Variants in NRP2 observed in about 807,000 individuals in gnomAD.
NRP2 encodes neuropilin-2.
NRP2 carries 52 observed loss-of-function variants against 110.4 expected under a neutral mutation model. That is an observed-to-expected ratio of 0.47 (90% CI 0.38 to 0.59). NRP2 has a LOEUF of 0.59. NRP2 is among the 20% of genes least tolerant of loss of function. The pLI is 0.00. For missense variants in NRP2, 1,049 were observed against 1,203.0 expected, an observed-to-expected ratio of 0.87 and a Z score of 1.89; for synonymous variants, 508 against 468.9, an observed-to-expected ratio of 1.08 and a Z score of -1.08.
rs912112050 is a variant in NRP2 at position 205,796,216 on chromosome 2, T to G, written c.*1158T>G. ...TAGACAGAGACCCTTTGAAATGCATTTGTCTCTCAAATAGACTAGTAAACA... is the reference window on the plus strand; with the variant it reads ...TAGACAGAGACCCTTTGAAATGCATGTGTCTCTCAAATAGACTAGTAAACA... On this transcript the variant is annotated 3_prime_UTR_variant, in exon 17 of 17. Coordinates refer to ENST00000357785, the MANE Select transcript of NRP2 (RefSeq NM_003872.3). The G allele has an allele frequency of 6.6e-6, 1 of 152,182 alleles. No homozygotes were observed. The highest frequency in any genetic ancestry group is 1.5e-5 in the Non-Finnish European group (1 of 68,026). 9.4% of individuals were successfully genotyped at this position (152,182 alleles called of 1,614,324 possible).
At chr2:205,691,033 A>G (rs1348432152) in intron 1 of NRP2, among the ~76,000 whole-genome samples, 1 of 152,202 alleles carries the variant, frequency 6.6e-6, no homozygotes, top group Non-Finnish European at 1.5e-5. Context: ...TAGAACTCTC[A>G]GAGTCTGTCC....
chr2:205,752,869 CA>C lies in NRP2; in HGVS notation c.1940del (p.Asn647ThrfsTer129). On this transcript the variant is annotated frameshift_variant, in exon 12 of 17. Transcript: ENST00000357785. LOFTEE classifies it high-confidence loss of function. Reference sequence around the variant, plus strand: ...TGCAGCTCCCTTCGGGATTCAATTGCAACTTCGATTTCCTCGAGGAGCCCTG... The same window carrying C: ...TGCAGCTCCCTTCGGGATTCAATTGCACTTCGATTTCCTCGAGGAGCCCTG... The part of the protein sequence containing the change: ...DLQLPSGFNC[N>X]FDFLEEPCGW... 2 of 1,614,178 alleles carry C rather than the reference CA, an allele frequency of 1.2e-6. No homozygotes were observed. The highest frequency in any genetic ancestry group is 1.7e-4 in the Middle Eastern group (1 of 6,060).
At chr2:205,719,626 T>C (rs74993138) in intron 3 of NRP2, among the ~76,000 whole-genome samples, 2 of 152,280 alleles carry the variant, frequency 1.3e-5, no homozygotes, top group East Asian at 3.9e-4. Context: ...CTGTGACACT[T>C]CAGAAACTGA....
At position 205,752,834 on chromosome 2, in the gene NRP2, G is replaced by A; in HGVS notation, c.1904-1G>A. On this transcript the variant is annotated splice_acceptor_variant, in intron 11 of 16. Transcript: ENST00000357785. LOFTEE classifies it high-confidence loss of function. ...TTTGGGTTATTGTTTTCCCCTTTTA[G>A]ACAAAGATTTGCAGCTCCCTTCGGG... 1 of 1,614,100 alleles carries A rather than the reference G, an allele frequency of 6.2e-7. No homozygotes were observed. The highest frequency in any genetic ancestry group is 8.5e-7 in the Non-Finnish European group (1 of 1,180,004).
At chr2:205,712,891 A>G (rs1055059400) in intron 2 of NRP2, among the ~76,000 whole-genome samples, 4 of 152,210 alleles carry the variant, frequency 2.6e-5, no homozygotes, top group African/African-American at 9.6e-5. Context: ...TTTGTTGATT[A>G]TTTGCTTCAC....
Position 205,740,537 on chromosome 2 carries a change from G to T in NRP2, c.1165G>T (p.Asp389Tyr), listed in dbSNP as rs759959447. The change falls in exon 8 of 17, where the codon GAT becomes TAT. Residue 389 changes from aspartate (D) to tyrosine (Y), a missense_variant. Physicochemically the swap from Asp to Tyr is radical, Grantham distance 160. Coordinates refer to ENST00000357785, the MANE Select transcript of NRP2 (RefSeq NM_003872.3). Reference sequence around the variant, plus strand: ...GCTACAGGTATTTCAAGCCAACAACGATGCAACTGAGGTGGTTCTGAACAA... The same window carrying T: ...GCTACAGGTATTTCAAGCCAACAACTATGCAACTGAGGTGGTTCTGAACAA... ...KNHKVFQANN[D>Y]ATEVVLNKLH... 1 of 1,614,200 alleles carries T rather than the reference G, an allele frequency of 6.2e-7. No homozygotes were observed. Among genetic ancestry groups the T allele is most frequent in the Admixed American group, 1.7e-5 (1 of 60,032 alleles).
intron 7 of NRP2, among the ~76,000 whole-genome samples, chr2:205,733,463 C>G (rs1290244692): frequency 6.6e-6 from 1 of 152,132 alleles, no homozygotes; most frequent in Non-Finnish European, 1.5e-5. Context: ...GAGTGAAGCC[C>G]TCACCTGGTA....
At chr2:205,684,330 A>G (rs146409916) in intron 1 of NRP2, among the ~76,000 whole-genome samples, 1 of 152,316 alleles carries the variant, frequency 6.6e-6, no homozygotes, top group East Asian at 1.9e-4. Flanking sequence ...CTGGAATCTA[A>G]CAACAAAACT....
At chr2:205,735,043 G>GAGA (rs2057318196) in intron 7 of NRP2, among the ~76,000 whole-genome samples, 7 of 151,978 alleles carry the variant, frequency 4.6e-5, no homozygotes, top group Middle Eastern at 3.4e-3. Flanking sequence ...TACCCCAAAG[G>GAGA]GCCCGCCTCA....
chr2:205,775,825 A>ATG (rs974092294), intron 15 of NRP2, among the ~76,000 whole-genome samples: 5 of 152,178 alleles, frequency 3.3e-5, no homozygotes, highest in African/African-American at 7.2e-5. Flanking sequence ...GTGTATGTGT[A>ATG]TGTGTGTGTG....
At chr2:205,768,945 A>C (rs999197145) in intron 15 of NRP2, among the ~76,000 whole-genome samples, 4 of 152,192 alleles carry the variant, frequency 2.6e-5, no homozygotes, top group Admixed American at 6.5e-5. Context: ...AACCAGATGA[A>C]CCTAGTGCCA....
intron 11 of NRP2, 152 bp downstream of exon 11, chr2:205,749,993 G>T: frequency 1.4e-6 from 1 of 695,264 alleles, no homozygotes; most frequent in East Asian, 2.8e-5. Flanking sequence ...TAGGGGTTTG[G>T]GGCAGTGGCT....
At position 205,795,622 on chromosome 2, in the gene NRP2, G is replaced by C. The variant is rs1190853944; in HGVS notation, c.*564G>C. The C allele has an allele frequency of 6.6e-6, 1 of 152,576 alleles. No individual in the cohort carries two copies. The highest frequency in any genetic ancestry group is 2.4e-5 in the African/African-American group (1 of 41,418). 9.5% of individuals were successfully genotyped at this position (152,576 alleles called of 1,614,324 possible). ...GACTTAAGGGATTTACTGTGGTGTA[G>C]GTTCTGCCAGCCAACCCTACAAGCT... On this transcript the variant is annotated 3_prime_UTR_variant, in exon 17 of 17. Coordinates refer to ENST00000357785, the MANE Select transcript of NRP2 (RefSeq NM_003872.3).
chr2:205,751,382 A>G (rs961865978), intron 11 of NRP2, among the ~76,000 whole-genome samples: 1 of 152,176 alleles, frequency 6.6e-6, no homozygotes, highest in Non-Finnish European at 1.5e-5. Context: ...GATACAGTAT[A>G]CATGTAAACA....
intron 1 of NRP2, among the ~76,000 whole-genome samples, chr2:205,688,070 A>G (rs977457669): frequency 6.6e-6 from 1 of 152,212 alleles, no homozygotes; most frequent in African/African-American, 2.4e-5. Flanking sequence ...TTCCAAATAT[A>G]TTCTCCAAAG....
At chr2:205,697,849 C>T (rs1333443348) in intron 2 of NRP2, 128 bp downstream of exon 2, 2 of 957,160 alleles carry the variant, frequency 2.1e-6, no homozygotes, top group Non-Finnish European at 3.4e-6. Context: ...TGGATCCTGG[C>T]CCCAGAGGAA....
intron 7 of NRP2, chr2:205,740,020 C>CCGTA: frequency 7.8e-6 from 2 of 255,906 alleles, no homozygotes; most frequent in Non-Finnish European, 1.5e-5. Context: ...ATCTTGTCCG[C>CCGTA]TCATGGGTGG....
At chr2:205,741,159 G>A (rs1427502967) in intron 8 of NRP2, among the ~76,000 whole-genome samples, 3 of 152,206 alleles carry the variant, frequency 2.0e-5, no homozygotes, top group Non-Finnish European at 2.9e-5. Flanking sequence ...AGACTGTTCT[G>A]TGTGGGCATA....
At chr2:205,753,235 A>AAAAAGGGACAATTTTTTCT (rs1272687812) in intron 12 of NRP2, among the ~76,000 whole-genome samples, 2 of 152,220 alleles carry the variant, frequency 1.3e-5, no homozygotes, top group African/African-American at 4.8e-5. Context: ...AAAGAGGAGA[A>AAAAAGGGACAATTTTTTCT]AGAAAAAAGG....
Sources: gnomAD v4.1 joint callset for allele counts (sites outside exome capture counted in the v4.1 genomes callset) on GRCh38, gnomAD v4.1.1 for gene constraint, MANE v1.5 for transcripts, NCBI Gene and HGNC (gene_info 2026-07-23, HGNC 2026-07-21) for gene names.